Variants in PLEKHG2 observed in about 807,000 individuals in gnomAD.
The protein encoded by PLEKHG2 is pleckstrin homology domain-containing family G member 2.
In PLEKHG2, 71 loss-of-function variants were observed where a neutral mutation model predicts 104.4. The ratio of observed to expected loss-of-function variants is 0.68; its 90% CI spans 0.56 to 0.83. The LOEUF is 0.83. PLEKHG2 is among the 40% of genes least tolerant of loss of function. PLEKHG2 has a pLI of 0.00. For synonymous variants in PLEKHG2, 728 were observed against 737.0 expected, an observed-to-expected ratio of 0.99 and a Z score of 0.20; for missense variants, 1,730 against 1,809.4, an observed-to-expected ratio of 0.96 and a Z score of 0.80.
chr19:39,418,458 A>G (rs1268551674), intron 9 of PLEKHG2, among the ~76,000 whole-genome samples: 1 of 152,084 alleles, frequency 6.6e-6, no homozygotes. Context: ...AAGTGCCTGT[A>G]ATCCCAGCTA....
At chr19:39,420,595 C>G (rs1273958609) in intron 11 of PLEKHG2, 31 bp from the exon 12 acceptor site, 2 of 1,614,030 alleles carry the variant, frequency 1.2e-6, no homozygotes, top group Non-Finnish European at 1.7e-6. Context: ...CAAGATCGAC[C>G]CACCTCAGCC....
At position 39,417,657 on chromosome 19, in the gene PLEKHG2, A is replaced by G. The variant is rs1238809160; in HGVS notation, c.847A>G (p.Met283Val). 6.2e-7 allele frequency: 1 copy of G among 1,605,040 alleles called. No individual in the cohort carries two copies. The highest frequency in any genetic ancestry group is 8.5e-7 in the Non-Finnish European group (1 of 1,174,710). The part of the protein sequence containing the change: ...MTAVAWYIND[M>V]KRKQEHAARL... ...AGCGGTTGCCTGGTACATCAACGAC[A>G]TGAAGCGCAAGCAGGAGCATGCAGC... Residue 283 changes from methionine to valine, a missense_variant, in exon 8 of 19, where the codon ATG becomes GTG. Met to Val is a conservative substitution (Grantham distance 21, BLOSUM62 1). Transcript: ENST00000425673.
intron 15 of PLEKHG2, 34 bp from the exon 16 acceptor site, chr19:39,421,249 A>G (rs1450260222): frequency 4.3e-6 from 7 of 1,613,366 alleles, no homozygotes; most frequent in Non-Finnish European, 4.2e-6. Flanking sequence ...ACATCTCACT[A>G]ATGCTTCTCT....
Position 39,412,876 on chromosome 19 carries a change from C to T in PLEKHG2, c.-559C>T, listed in dbSNP as rs887846894. Reference sequence around the variant, plus strand: ...AGCAGCCGGGAGCCCGGACGTCACCCCGCGAGACCCTGGAGGCCGAGCGCC... The same window carrying T: ...AGCAGCCGGGAGCCCGGACGTCACCTCGCGAGACCCTGGAGGCCGAGCGCC... On this transcript the variant is annotated 5_prime_UTR_variant, in exon 1 of 19. Coordinates refer to ENST00000425673, the MANE Select transcript of PLEKHG2 (RefSeq NM_022835.3). The T allele has an allele frequency of 1.3e-5, 2 of 152,362 alleles. No individual in the cohort carries two copies. The highest frequency in any genetic ancestry group is 2.9e-5 in the Non-Finnish European group (2 of 68,172). The allele number at this position is 152,362 out of a possible 1,614,324, so 9.4% of individuals were successfully genotyped here. A position where few individuals can be genotyped will look rare whatever the true frequency, so the allele number is the denominator to read the frequency against.
At position 39,415,303 on chromosome 19, in the gene PLEKHG2, G is replaced by A; in HGVS notation, c.379-36G>A. On this transcript the variant is annotated intron_variant, in intron 3 of 18. Coordinates refer to ENST00000425673, the MANE Select transcript of PLEKHG2 (RefSeq NM_022835.3). This position sits in a 1 kb window ranked among gnomAD's most constrained non-coding sequence, Gnocchi z 4.6. The stretch of plus-strand genomic sequence containing the variant: ...CAGAGGGCAGTGGGTACCCAGGCCA[G>A]CCCCTTGGCCCCCATAACCCCAGTC... The A allele has an allele frequency of 6.2e-7, 1 of 1,609,212 alleles. No homozygotes were observed.
rs2078745073 is a variant in PLEKHG2 at position 39,424,049 on chromosome 19, C to T, written c.2916C>T (p.Phe972=). ...LHLQVPALTT[F]SDQGHPEIQV... is the part of the protein sequence containing the mutation. ...TCCAGGTGCCGGCTCTTACAACTTT[C>T]TCTGATCAAGGCCACCCAGAAATCC... Residue 972 remains phenylalanine (F), a synonymous_variant, in exon 19 of 19, where the codon TTC becomes TTT. Transcript: ENST00000425673. The T allele has an allele frequency of 6.2e-7, 1 of 1,613,982 alleles. No individual in the cohort carries two copies. Among genetic ancestry groups the T allele is most frequent in the Non-Finnish European group, 8.5e-7 (1 of 1,179,956 alleles).
chr19:39,422,152 C>T lies in PLEKHG2; in HGVS notation c.1541C>T (p.Ser514Phe), dbSNP rs200212961. 4.3e-6 allele frequency: 7 copies of T among 1,612,400 alleles called. No homozygotes were observed. The East Asian group carries it at 1.6e-4, about 36-fold the overall frequency. ...GSEGELYPPE[S>F]QPPVSGSAPP... is the part of the protein sequence containing the mutation. ...GAAGGGGAACTCTACCCTCCAGAAT[C>T]TCAGCCACCAGTTTCAGGCTCTGCA... The change falls in exon 17 of 19, where the codon TCT becomes TTT. Residue 514 changes from serine to phenylalanine, a missense_variant. Physicochemically the swap from Ser to Phe is radical, Grantham distance 155 (BLOSUM62 -2). Coordinates refer to ENST00000425673, the MANE Select transcript of PLEKHG2 (RefSeq NM_022835.3).
Position 39,416,748 on chromosome 19 carries a change from C to A in PLEKHG2, c.594-102C>A. 1 of 1,477,766 alleles carries A rather than the reference C, an allele frequency of 6.8e-7. No homozygotes were observed. Among genetic ancestry groups the A allele is most frequent in the Non-Finnish European group, 9.2e-7 (1 of 1,084,048 alleles). 91.5% of individuals were successfully genotyped at this position (1,477,766 alleles called of 1,614,324 possible). ...GACCTCTCCCTCACTGCCCCGCCCC[C>A]TGTCAGACCCTGACCCTTCCCAAAC... On this transcript the variant is annotated intron_variant, in intron 6 of 18. Coordinates refer to ENST00000425673, the MANE Select transcript of PLEKHG2 (RefSeq NM_022835.3). The surrounding 1 kb of genome is among the most constrained non-coding windows in gnomAD (Gnocchi z 4.5).
In PLEKHG2 at chr19:39,425,308, G is replaced by A. The variant is rs2078768977; in HGVS notation, c.*14G>A. ...TTCCACATGTGAGCCAGGACATGAG[G>A]CTTCCCTGAAGCAAGGATTTCAGCC... On this transcript the variant is annotated 3_prime_UTR_variant, in exon 19 of 19. Transcript: ENST00000425673. 6.3e-7 allele frequency: 1 copy of A among 1,594,346 alleles called. No homozygotes were observed. The highest frequency in any genetic ancestry group is 8.5e-7 in the Non-Finnish European group (1 of 1,173,958).
chr19:39,415,294 C>G lies in PLEKHG2; in HGVS notation c.378+34C>G. The G allele has an allele frequency of 1.9e-6, 3 of 1,605,950 alleles. No homozygotes were observed. The highest frequency in any genetic ancestry group is 2.6e-6 in the Non-Finnish European group (3 of 1,175,958). On this transcript the variant is annotated intron_variant, in intron 3 of 18. Transcript: ENST00000425673. The surrounding 1 kb of genome is among the most constrained non-coding windows in gnomAD (Gnocchi z 4.6). ...GGCAGACACCAGAGGGCAGTGGGTA[C>G]CCAGGCCAGCCCCTTGGCCCCCATA...
chr19:39,416,138 G>C lies in PLEKHG2; in HGVS notation c.480-210G>C, dbSNP rs1280171328. Among the ~76,000 whole-genome samples, 1 of 152,146 alleles carries C rather than the reference G, an allele frequency of 6.6e-6. No homozygotes were observed. The highest frequency in any genetic ancestry group is 1.5e-5 in the Non-Finnish European group (1 of 68,022). ...GACACAAGTTCAAGCTGAGGAATGA[G>C]AAGCTGTCCAGGGACAAAGTCTAAG... On this transcript the variant is annotated intron_variant, in intron 4 of 18. Transcript: ENST00000425673. The surrounding 1 kb of genome is among the most constrained non-coding windows in gnomAD (Gnocchi z 4.5).
At chr19:39,420,489 A>T in intron 11 of PLEKHG2, 137 bp from the exon 12 acceptor site, 1 of 1,041,402 alleles carries the variant, frequency 9.6e-7, no homozygotes, top group Non-Finnish European at 1.5e-6. Context: ...GCACCACTGT[A>T]CTCCAACCTG....
chr19:39,424,011 G>A lies in PLEKHG2; in HGVS notation c.2878G>A (p.Gly960Ser). Residue 960 changes from glycine to serine, a missense_variant, in exon 19 of 19, where the codon GGC (glycine) becomes AGC (serine). Physicochemically the swap from Gly to Ser is moderately conservative, Grantham distance 56. Coordinates refer to ENST00000425673, the MANE Select transcript of PLEKHG2 (RefSeq NM_022835.3). ...CGCCACACCTTTGCCCAAGCAAGAAGGCCCCCTGCACCTCCAGGTGCCGGC... is the reference window on the plus strand; with the variant it reads ...CGCCACACCTTTGCCCAAGCAAGAAAGCCCCCTGCACCTCCAGGTGCCGGC... ...PAATPLPKQE[G>S]PLHLQVPALT... 6.2e-7 allele frequency: 1 copy of A among 1,614,076 alleles called. No individual in the cohort carries two copies. The highest frequency in any genetic ancestry group is 8.5e-7 in the Non-Finnish European group (1 of 1,179,990).
Position 39,423,384 on chromosome 19 carries a change from GAC to G in PLEKHG2, c.2332_2333del (p.Gln778AlafsTer101). On this transcript the variant is annotated frameshift_variant, in exon 18 of 19. Coordinates refer to ENST00000425673, the MANE Select transcript of PLEKHG2 (RefSeq NM_022835.3). LOFTEE classifies it high-confidence loss of function. ...AGCGCCTGGCAGGCATTGGAACAGG[GAC>G]AGCTGGCCCGGCCAGGCTTCCCAGA... is the stretch of plus-strand genomic sequence containing the variant. 6.2e-7 allele frequency: 1 copy of G among 1,612,324 alleles called. No homozygotes were observed. Among genetic ancestry groups the G allele is most frequent in the Non-Finnish European group, 8.5e-7 (1 of 1,179,112 alleles).
chr19:39,422,864 A>G lies in PLEKHG2; in HGVS notation c.1810A>G (p.Met604Val). The part of the protein sequence containing the change: ...EEEEEEEGLE[M>V]DERGPSPLHV... Reference sequence around the variant, plus strand: ...GGAGGAGGAAGAGGAAGGGCTGGAGATGGATGAACGGGGGCCTTCCCCACT... The same window carrying G: ...GGAGGAGGAAGAGGAAGGGCTGGAGGTGGATGAACGGGGGCCTTCCCCACT... Residue 604 changes from methionine to valine, a missense_variant, in exon 18 of 19, where the codon ATG becomes GTG. Physicochemically the swap from Met to Val is conservative, Grantham distance 21. Coordinates refer to ENST00000425673, the MANE Select transcript of PLEKHG2 (RefSeq NM_022835.3). The G allele has an allele frequency of 6.3e-7, 1 of 1,577,606 alleles. No individual in the cohort carries two copies. The highest frequency in any genetic ancestry group is 1.3e-5 in the African/African-American group (1 of 74,554).
At position 39,423,564 on chromosome 19, in the gene PLEKHG2, G is replaced by C. The variant is rs765493902; in HGVS notation, c.2510G>C (p.Arg837Pro). The C allele has an allele frequency of 5.2e-6, 8 of 1,538,012 alleles. No homozygotes were observed. Among genetic ancestry groups the C allele is most frequent in the Non-Finnish European group, 7.0e-6 (8 of 1,142,366 alleles). ...RIQQMQRAETRASANAPRRRP... is the reference protein window; with the variant it reads ...RIQQMQRAETPASANAPRRRP... ...CAGCAGATGCAGCGGGCGGAGACTC[G>C]GGCATCAGCCAATGCCCCGCGCCGC... The change falls in exon 18 of 19, where the codon CGG becomes CCG. Residue 837 changes from arginine to proline, a missense_variant. Physicochemically the swap from Arg to Pro is moderately radical, Grantham distance 103. Transcript: ENST00000425673.
Position 39,425,441 on chromosome 19 carries a change from T to C in PLEKHG2, c.*147T>C, listed in dbSNP as rs2078770767. ...TGGTATCTGCATCGGCGAATGGCCC[T>C]TCTTGCCTTGATCCACAGGGATGGG... On this transcript the variant is annotated 3_prime_UTR_variant, in exon 19 of 19. Transcript: ENST00000425673. 2 of 1,307,846 alleles carry C rather than the reference T, an allele frequency of 1.5e-6. No individual in the cohort carries two copies. The highest frequency in any genetic ancestry group is 2.0e-6 in the Non-Finnish European group (2 of 992,514). 81.0% of individuals were successfully genotyped at this position (1,307,846 alleles called of 1,614,324 possible).
rs749027788 is a variant in PLEKHG2 at position 39,422,302 on chromosome 19, C to G, written c.1677+14C>G. ...CGAGATCCAGGGGTGAGCTGGCTGTCCCATCATGGTGTCCTTGGGCCTCTG... is the reference window on the plus strand; with the variant it reads ...CGAGATCCAGGGGTGAGCTGGCTGTGCCATCATGGTGTCCTTGGGCCTCTG... On this transcript the variant is annotated intron_variant, in intron 17 of 18. Transcript: ENST00000425673. 6.2e-7 allele frequency: 1 copy of G among 1,606,504 alleles called. No individual in the cohort carries two copies. The highest frequency in any genetic ancestry group is 8.5e-7 in the Non-Finnish European group (1 of 1,176,424).
Position 39,422,249 on chromosome 19 carries a change from C to A in PLEKHG2, c.1638C>A (p.Ile546=). The A allele has an allele frequency of 6.2e-7, 1 of 1,613,616 alleles. No individual in the cohort carries two copies. The highest frequency in any genetic ancestry group is 8.5e-7 in the Non-Finnish European group (1 of 1,179,790). Residue 546 remains isoleucine, a synonymous_variant, in exon 17 of 19, where the codon ATC becomes ATA. Coordinates refer to ENST00000425673, the MANE Select transcript of PLEKHG2 (RefSeq NM_022835.3). Reference sequence around the variant, plus strand: ...CTGGGACCTCAATCACTGAAGAAATCCTGGAACTGCTGAATCAGCGAGGCC... The same window carrying A: ...CTGGGACCTCAATCACTGAAGAAATACTGGAACTGCTGAATCAGCGAGGCC... ...DPSGTSITEE[I]LELLNQRGLR... is the part of the protein sequence containing the mutation.
Sources: gnomAD v4.1 joint callset for allele counts (sites outside exome capture counted in the v4.1 genomes callset) on GRCh38, gnomAD v4.1.1 for gene constraint, Gnocchi (gnomAD v3.1) non-coding constraint, MANE v1.5 for transcripts, NCBI Gene and HGNC (gene_info 2026-07-23, HGNC 2026-07-21) for gene names.